The following INSR variants were observed in gnomAD, a reference collection of about 807,000 sequenced individuals.
INSR encodes IR.
INSR carries 67 observed loss-of-function variants against 142.6 expected under a neutral mutation model. The observed-to-expected ratio is 0.47, with a 90% confidence interval of 0.39 to 0.58. The LOEUF (loss-of-function observed/expected upper bound fraction) is 0.58, where lower values mean the gene tolerates loss of function less well. INSR is among the 20% of genes least tolerant of loss of function. INSR has a pLI of 0.00. For synonymous variants in INSR, 756 were observed against 743.1 expected, an observed-to-expected ratio of 1.02 and a Z score of -0.28; for missense variants, 1,248 against 1,833.2, an observed-to-expected ratio of 0.68 and a Z score of 5.83.
rs560994480 is a variant in INSR, at chr19:7,239,165, A to C, written c.652+28180T>G. 5.3e-5 allele frequency among the ~76,000 whole-genome samples: 8 copies of C among 152,296 alleles called. 1 individual carries two copies. In the South Asian group the frequency reaches 1.7e-3, roughly 32 times the overall value. On this transcript the variant is annotated intron_variant, in intron 2 of 21. Coordinates refer to ENST00000302850, the MANE Select transcript of INSR (RefSeq NM_000208.4). ...GGCCACAATTTCAAGTGAGAAAAGC[A>C]AAGCAAAGCACAATTGAAATGCTGG... is the stretch of plus-strand genomic sequence containing the variant.
At position 7,122,598 on chromosome 19, in the gene INSR, A is replaced by G. The variant is rs552666032; in HGVS notation, c.3529+16T>C. 1 of 1,614,180 alleles carries G rather than the reference A, an allele frequency of 6.2e-7. No homozygotes were observed. Among genetic ancestry groups the G allele is most frequent in the Admixed American group, 1.7e-5 (1 of 60,024 alleles). ...GCCTGGGTCGTTATGTTTTCAAAGC[A>G]GAAAGCCAGACGAACCTCCAATTTT... On this transcript the variant is annotated intron_variant, in intron 19 of 21. Transcript: ENST00000302850.
intron 2 of INSR, among the ~76,000 whole-genome samples, chr19:7,250,454 A>AAGC (rs1600092430): frequency 2.3e-5 from 2 of 86,602 alleles, no homozygotes; most frequent in South Asian, 3.6e-4. Context: ...AGAAGAAAGA[A>AAGC]AAGGAAGAAA....
intron 16 of INSR, among the ~76,000 whole-genome samples, chr19:7,126,329 G>C (rs1226801945): frequency 6.6e-6 from 1 of 152,248 alleles, no homozygotes; most frequent in Admixed American, 6.5e-5. Flanking sequence ...GCTGAGCCCA[G>C]CCCAAGTGGT....
chr19:7,226,684 C>T (rs991798318), intron 2 of INSR, among the ~76,000 whole-genome samples: 17 of 144,786 alleles, frequency 1.2e-4, no homozygotes, highest in African/African-American at 1.6e-4. Context: ...GCCATGATCA[C>T]GCCACTGCAC....
At chr19:7,180,268 C>T (rs1974239433) in intron 3 of INSR, among the ~76,000 whole-genome samples, 1 of 152,062 alleles carries the variant, frequency 6.6e-6, no homozygotes, top group African/African-American at 2.4e-5. Flanking sequence ...GTGGCTCAGG[C>T]CCTGTAATCT....
intron 6 of INSR, among the ~76,000 whole-genome samples, chr19:7,169,876 G>T (rs555958003): frequency 1.3e-5 from 2 of 152,272 alleles, no homozygotes; most frequent in East Asian, 3.9e-4. Context: ...TAAATGTGCA[G>T]AATCTGCCCT....
In INSR at chr19:7,116,128, T is replaced by TTC. The variant is rs1555733835; in HGVS notation, c.*927_*928insGA. On this transcript the variant is annotated 3_prime_UTR_variant, in exon 22 of 22. Coordinates refer to ENST00000302850, the MANE Select transcript of INSR (RefSeq NM_000208.4). ...ATTTTGTTTTTTCTTTCTTTTTCTT[T>TTC]TTTTTTTTTTAATGTCCTAGCTTGG... 6.7e-6 allele frequency: 1 copy of TTC among 149,840 alleles called. No individual in the cohort carries two copies. Among genetic ancestry groups the TTC allele is most frequent in the Non-Finnish European group, 1.5e-5 (1 of 67,490 alleles). The allele number at this position is 149,840 out of a possible 1,614,324, so 9.3% of individuals were successfully genotyped here. A position where few individuals can be genotyped will look rare whatever the true frequency, so the allele number is the denominator to read the frequency against.
chr19:7,243,234 GTTTTTTTTTTT>G (rs1161289283), intron 2 of INSR, among the ~76,000 whole-genome samples: 7 of 68,216 alleles, frequency 1.0e-4, no homozygotes, highest in South Asian at 8.4e-4. Context: ...CACTGTTTTG[GTTTTTTTTTTT>G]TTTTTTTTTT....
At chr19:7,259,396 C>G (rs886480612) in intron 2 of INSR, among the ~76,000 whole-genome samples, 2 of 152,046 alleles carry the variant, frequency 1.3e-5, no homozygotes, top group Non-Finnish European at 2.9e-5. Context: ...CTTAACCTCT[C>G]GAAGCCTTAG....
intron 3 of INSR, 60 bp from the exon 4 acceptor site, chr19:7,174,791 A>C (rs746008611): frequency 1.6e-5 from 24 of 1,540,650 alleles, no homozygotes; most frequent in Non-Finnish European, 2.0e-5. Context: ...ACGGTATCCA[A>C]GGTCCTTCAG....
chr19:7,140,522 G>C (rs942512689), intron 13 of INSR, among the ~76,000 whole-genome samples: 1 of 152,110 alleles, frequency 6.6e-6, no homozygotes, highest in Non-Finnish European at 1.5e-5. Flanking sequence ...TGAAATATCA[G>C]TCATGCATTT....
intron 2 of INSR, among the ~76,000 whole-genome samples, chr19:7,214,567 G>A (rs1215377565): frequency 2.6e-5 from 4 of 152,212 alleles, no homozygotes; most frequent in South Asian, 4.1e-4. Flanking sequence ...CCACGTGAGA[G>A]ATTTCAACAC....
intron 4 of INSR, among the ~76,000 whole-genome samples, chr19:7,172,887 A>AAG (rs1032352615): frequency 6.6e-6 from 1 of 151,538 alleles, no homozygotes; most frequent in Non-Finnish European, 1.5e-5. Flanking sequence ...ACAAAAAAAA[A>AAG]AAAAAATAGC....
At chr19:7,148,280 C>T (rs1442116985) in intron 11 of INSR, among the ~76,000 whole-genome samples, 1 of 152,028 alleles carries the variant, frequency 6.6e-6, no homozygotes, top group Non-Finnish European at 1.5e-5. Context: ...ACCAAGGGTC[C>T]TTCTGACCCC....
chr19:7,148,776 C>G (rs1004615678), intron 11 of INSR, among the ~76,000 whole-genome samples: 11 of 147,540 alleles, frequency 7.5e-5, no homozygotes, highest in African/African-American at 2.5e-4. Flanking sequence ...CCAAGTCCAG[C>G]TGTGGCCCCA....
chr19:7,157,424 A>ATTTTT lies in INSR; in HGVS notation c.2030-4502_2030-4498dup, dbSNP rs56136465. Among the ~76,000 whole-genome samples the ATTTTT allele has an allele frequency of 1.8e-4, 21 of 115,090 alleles. 1 individual carries two copies. In the East Asian group the frequency reaches 4.6e-3, roughly 25 times the overall value. The allele number at this position is 115,090 out of a possible 152,430, so 75.5% of individuals were successfully genotyped here. A position where few individuals can be genotyped will look rare whatever the true frequency, so the allele number is the denominator to read the frequency against. On this transcript the variant is annotated intron_variant, in intron 9 of 21. Coordinates refer to ENST00000302850, the MANE Select transcript of INSR (RefSeq NM_000208.4). ...GCCACTGCGCCCAGCCGATTTTTGT[A>ATTTTT]TTTTTTTTTTTTTTTTTTGGTAGAG...
At chr19:7,132,006 A>T in intron 14 of INSR, 152 bp downstream of exon 14, 1 of 901,110 alleles carries the variant, frequency 1.1e-6, no homozygotes, top group Admixed American at 2.1e-5. Flanking sequence ...AAAGTGCAGG[A>T]TCAAAGAGGG....
In INSR at chr19:7,152,758, C is replaced by T; in HGVS notation, c.2199G>A (p.Glu733=). ...CGAAAACCACGTTGTGCAGGTAATC[C>T]TCAAACGTCTTCCTAAACGAGGACT... The part of the protein sequence containing the change: ...LEESSFRKTF[E]DYLHNVVFVP... Residue 733 remains glutamate (E), a synonymous_variant, in exon 10 of 22, where the codon GAG becomes GAA. Transcript: ENST00000302850. The T allele has an allele frequency of 2.5e-6, 4 of 1,613,094 alleles. No homozygotes were observed. The highest frequency in any genetic ancestry group is 1.3e-5 in the African/African-American group (1 of 74,954).
intron 1 of INSR, among the ~76,000 whole-genome samples, chr19:7,284,118 G>A (rs1477892303): frequency 6.6e-6 from 1 of 151,968 alleles, no homozygotes; most frequent in Non-Finnish European, 1.5e-5. Flanking sequence ...AGGCTGGAGT[G>A]CAGTGGCACC....
Sources: allele counts gnomAD v4.1 joint callset (sites outside exome capture counted in the v4.1 genomes callset), GRCh38; gene constraint gnomAD v4.1.1; transcripts MANE v1.5; gene names NCBI Gene and HGNC (gene_info 2026-07-23, HGNC 2026-07-21).